NECTIN1: variants seen among roughly 807,000 people sequenced by gnomAD.
The protein encoded by NECTIN1 is nectin cell adhesion molecule 1, also known as nectin-1.
Under a neutral mutation model 48.0 loss-of-function variants are expected in NECTIN1, and 23 were observed. That is an observed-to-expected ratio of 0.48 (90% CI 0.34 to 0.68). The LOEUF is 0.68. Among genes scored for constraint, NECTIN1 ranks in the 30% least tolerant of loss-of-function variants. The pLI, the probability that NECTIN1 is intolerant of heterozygous loss-of-function variation, is 0.01. For missense variants in NECTIN1, 591 were observed against 709.9 expected, an observed-to-expected ratio of 0.83 and a Z score of 1.90; for synonymous variants, 270 against 288.9, an observed-to-expected ratio of 0.93 and a Z score of 0.66.
chr11:119,694,383 G>C (rs546537157), intron 1 of NECTIN1, among the ~76,000 whole-genome samples: 4 of 152,200 alleles, frequency 2.6e-5, no homozygotes, highest in Non-Finnish European at 5.9e-5. Context: ...GAAATGTACT[G>C]TGGTGGTTTC....
At chr11:119,640,960 A>C (rs1288207171) in intron 5 of NECTIN1, 1 of 152,284 alleles carries the variant, frequency 6.6e-6, no homozygotes, top group Non-Finnish European at 1.5e-5. Context: ...TGCAGTTTGC[A>C]GTAAACATCA....
At chr11:119,723,212 G>A (rs1427878957) in intron 1 of NECTIN1, among the ~76,000 whole-genome samples, 2 of 87,628 alleles carry the variant, frequency 2.3e-5, no homozygotes, top group African/African-American at 5.4e-5. Context: ...GCGAGACTCT[G>A]TCTCAAAAAA....
chr11:119,726,766 A>C (rs2134351020), intron 1 of NECTIN1, among the ~76,000 whole-genome samples: 1 of 152,182 alleles, frequency 6.6e-6, no homozygotes, highest in South Asian at 2.1e-4. Context: ...GATTACGTTA[A>C]CCCCTAGTGT....
chr11:119,655,702 T>C, intron 5 of NECTIN1, among the ~76,000 whole-genome samples: 1 of 152,180 alleles, frequency 6.6e-6, no homozygotes, highest in East Asian at 1.9e-4. Flanking sequence ...TCTGTGTAGC[T>C]TCCCAGGGAA....
intron 1 of NECTIN1, among the ~76,000 whole-genome samples, chr11:119,689,927 C>T (rs1865224178): frequency 6.6e-6 from 1 of 152,262 alleles, no homozygotes; most frequent in South Asian, 2.1e-4. Flanking sequence ...GCATAGGCAC[C>T]AAACCTGCTA....
chr11:119,693,211 C>T (rs937471538), intron 1 of NECTIN1, among the ~76,000 whole-genome samples: 4 of 152,202 alleles, frequency 2.6e-5, no homozygotes, highest in Non-Finnish European at 2.9e-5. Context: ...CTGCCACTCT[C>T]GGGGTGTGTG....
At chr11:119,687,919 G>A (rs543685883) in intron 1 of NECTIN1, among the ~76,000 whole-genome samples, 3 of 152,284 alleles carry the variant, frequency 2.0e-5, no homozygotes, top group South Asian at 2.1e-4. Flanking sequence ...GTGGGGGAAG[G>A]TATACAATGC....
At chr11:119,647,808 A>G (rs1864417548) in intron 5 of NECTIN1, among the ~76,000 whole-genome samples, 1 of 152,126 alleles carries the variant, frequency 6.6e-6, no homozygotes, top group Admixed American at 6.5e-5. Context: ...CACGCCTGTA[A>G]TCCCAGCACT....
chr11:119,710,176 T>C (rs1240159762), intron 1 of NECTIN1: 1 of 152,278 alleles, frequency 6.6e-6, no homozygotes, highest in Non-Finnish European at 1.5e-5. Context: ...CAGAGCCACA[T>C]GCACGCACAC....
intron 1 of NECTIN1, among the ~76,000 whole-genome samples, chr11:119,685,384 C>T (rs947349952): frequency 5.9e-5 from 9 of 152,288 alleles, no homozygotes; most frequent in East Asian, 1.9e-4. Context: ...GGGGGCACGG[C>T]GGCCTGGGAA....
At chr11:119,640,056 A>C in intron 5 of NECTIN1, 1 of 1,547,790 alleles carries the variant, frequency 6.5e-7, no homozygotes, top group South Asian at 1.2e-5. Flanking sequence ...GAGAAACTCA[A>C]GTGACCCAAA....
chr11:119,674,920 C>T (rs1236663300), intron 5 of NECTIN1, among the ~76,000 whole-genome samples: 1 of 152,210 alleles, frequency 6.6e-6, no homozygotes, highest in Non-Finnish European at 1.5e-5. Flanking sequence ...TTCCTTCTTC[C>T]CTCTCAGAGC....
intron 1 of NECTIN1, among the ~76,000 whole-genome samples, chr11:119,689,681 A>G (rs1865218514): frequency 6.6e-6 from 1 of 152,250 alleles, no homozygotes. Context: ...CTGCCAGAGC[A>G]GCAGGTGGGG....
rs1476132215 is a variant in NECTIN1 at position 119,672,026 on chromosome 11, C to T, written c.1003+3133G>A. Among the ~76,000 whole-genome samples the T allele has an allele frequency of 6.6e-6, 1 of 152,260 alleles. No individual in the cohort carries two copies. The highest frequency in any genetic ancestry group is 2.4e-5 in the African/African-American group (1 of 41,468). On this transcript the variant is annotated intron_variant, in intron 5 of 5. Coordinates refer to ENST00000264025, the MANE Select transcript of NECTIN1 (RefSeq NM_002855.5). The surrounding 1 kb of genome is among the most constrained non-coding windows in gnomAD (Gnocchi z 4.3). ...GGCTGGGCATGCACACTTGCAGGCT[C>T]ACACCTGCCTCCCTTCCAGGACACT...
intron 5 of NECTIN1, chr11:119,674,312 T>C: frequency 3.8e-6 from 5 of 1,320,204 alleles, no homozygotes; most frequent in Non-Finnish European, 4.9e-6. Context: ...CCATGTGAAG[T>C]TGTGATGGCA....
intron 5 of NECTIN1, among the ~76,000 whole-genome samples, chr11:119,645,277 A>G (rs73571285): frequency 0.057 from 8,691 of 152,082 alleles, 831 homozygotes; most frequent in African/African-American, 0.2. Context: ...CCTTTCCCCC[A>G]ATGACCAGAG....
intron 1 of NECTIN1, among the ~76,000 whole-genome samples, chr11:119,701,383 C>T (rs758630887): frequency 5.3e-5 from 8 of 152,192 alleles, no homozygotes; most frequent in Non-Finnish European, 1.0e-4. Flanking sequence ...TGGGCACTGA[C>T]TCTGTTTCAT....
intron 1 of NECTIN1, among the ~76,000 whole-genome samples, chr11:119,725,851 C>T (rs578202100): frequency 1.6e-4 from 25 of 152,166 alleles, no homozygotes; most frequent in Middle Eastern, 6.8e-3. Context: ...GACAACAGCT[C>T]GACACACCTG....
intron 1 of NECTIN1, among the ~76,000 whole-genome samples, chr11:119,715,095 G>T (rs1865723895): frequency 6.6e-6 from 1 of 152,218 alleles, no homozygotes; most frequent in African/African-American, 2.4e-5. Flanking sequence ...TCCATGGAGG[G>T]TGGTGAGTAC....
Sources: allele counts gnomAD v4.1 joint callset (sites outside exome capture counted in the v4.1 genomes callset), GRCh38; gene constraint gnomAD v4.1.1; non-coding constraint Gnocchi (gnomAD v3.1); transcripts MANE v1.5; gene names NCBI Gene and HGNC (gene_info 2026-07-23, HGNC 2026-07-21).